The following MYO1H variants were observed in gnomAD, a reference collection of about 807,000 sequenced individuals.
The protein encoded by MYO1H is unconventional myosin-Ih.
A neutral mutation model predicts 149.3 loss-of-function variants in MYO1H; 118 were observed. The observed-to-expected ratio is 0.79, with a 90% CI of 0.68 to 0.92. The LOEUF (loss-of-function observed/expected upper bound fraction) is 0.92, where lower values mean the gene tolerates loss of function less well. MYO1H is among the 40% of genes least tolerant of loss of function. The probability of loss-of-function intolerance (pLI) is 0.00; values close to 1 mark genes in which losing one functional copy is unlikely to be tolerated. For synonymous variants in MYO1H, 447 were observed against 465.2 expected (o/e 0.96, Z 0.50); for missense variants, 1,212 against 1,280.7 (o/e 0.95, Z 0.82).
At chr12:109,409,731 A>T (rs1193272465) in intron 11 of MYO1H, 107 bp downstream of exon 11, 5 of 993,994 alleles carry the variant, frequency 5.0e-6, no homozygotes, top group Non-Finnish European at 7.9e-6. Context: ...CTGTCCCCAG[A>T]AAGTCTCTAG....
intron 12 of MYO1H, among the ~76,000 whole-genome samples, chr12:109,410,432 GT>G (rs1870616575): frequency 6.6e-6 from 1 of 152,170 alleles, no homozygotes; most frequent in Non-Finnish European, 1.5e-5. Flanking sequence ...GTGAGCCACT[GT>G]GCCCAACCAC....
chr12:109,349,523 T>C (rs1305151889), intron 1 of MYO1H, among the ~76,000 whole-genome samples: 2 of 144,086 alleles, frequency 1.4e-5, no homozygotes, highest in Admixed American at 1.4e-4. Context: ...TAGCTAGATA[T>C]GGTGGCACAT....
chr12:109,396,638 A>G (rs1205777420), intron 4 of MYO1H, 56 bp downstream of exon 4: 1 of 1,504,272 alleles, frequency 6.6e-7, no homozygotes, highest in Non-Finnish European at 9.0e-7. Context: ...ACTAAGTGAG[A>G]CAAATCCTGT....
intron 15 of MYO1H, among the ~76,000 whole-genome samples, chr12:109,415,956 A>G (rs912638763): frequency 7.3e-6 from 1 of 137,416 alleles, no homozygotes; most frequent in Non-Finnish European, 1.6e-5. Flanking sequence ...TATTTTATTT[A>G]TTTTGAGAGA....
the MYO1H span, among the ~76,000 whole-genome samples, chr12:109,338,213 T>C: frequency 4.4e-4 from 67 of 152,266 alleles, no homozygotes; most frequent in South Asian, 6.8e-3. Context: ...GGAATATAAG[T>C]GTGAGCCACT....
At chr12:109,347,777 G>A (rs1391170733), upstream of MYO1H, 9 of 390,960 alleles carry the variant, frequency 2.3e-5, no homozygotes, top group East Asian at 7.2e-5. Flanking sequence ...ACATGTAGAC[G>A]GCCATAAGAT....
chr12:109,425,865 C>T, intron 17 of MYO1H, 81 bp from the exon 18 acceptor site: 1 of 1,017,908 alleles, frequency 9.8e-7, no homozygotes, highest in South Asian at 1.4e-5. Context: ...CACCTTGAGC[C>T]CTGGCCAGTC....
At chr12:109,446,064 A>C (rs1872467010) in intron 31 of MYO1H, 2 of 985,232 alleles carry the variant, frequency 2.0e-6, no homozygotes, top group African/African-American at 1.7e-5. Flanking sequence ...TATGTAAGAA[A>C]GAAATGTGTA....
At chr12:109,374,753 C>G (rs1869054114) in intron 1 of MYO1H, among the ~76,000 whole-genome samples, 2 of 152,208 alleles carry the variant, frequency 1.3e-5, no homozygotes, top group African/African-American at 4.8e-5. Flanking sequence ...CTACATCCTT[C>G]CCAGCTTGTC....
chr12:109,417,437 C>G (rs1166208220), intron 15 of MYO1H, among the ~76,000 whole-genome samples: 1 of 152,022 alleles, frequency 6.6e-6, no homozygotes, highest in Non-Finnish European at 1.5e-5. Flanking sequence ...ACGCCATTCT[C>G]CTGCCTCAGC....
At chr12:109,419,880 A>G (rs1871099637) in intron 15 of MYO1H, among the ~76,000 whole-genome samples, 1 of 152,060 alleles carries the variant, frequency 6.6e-6, no homozygotes, top group Non-Finnish European at 1.5e-5. Context: ...ACTTAAAAAA[A>G]AAAAAAAAAA....
At chr12:109,407,679 C>A in intron 9 of MYO1H, 115 bp from the exon 10 acceptor site, 1 of 1,096,944 alleles carries the variant, frequency 9.1e-7, no homozygotes, top group Non-Finnish European at 1.2e-6. Flanking sequence ...GGCTGGGCAG[C>A]AGAGCGAGAC....
chr12:109,371,507 C>T (rs1251403308), intron 1 of MYO1H, among the ~76,000 whole-genome samples: 2 of 152,282 alleles, frequency 1.3e-5, no homozygotes, highest in Admixed American at 6.5e-5. Context: ...TGTGAGCCAC[C>T]ATGCCCAGCC....
At chr12:109,316,506 C>CA in the MYO1H span, among the ~76,000 whole-genome samples, 2 of 152,190 alleles carry the variant, frequency 1.3e-5, no homozygotes, top group African/African-American at 4.8e-5. Context: ...TCCAATATAG[C>CA]ACTCCCCAGA....
At chr12:109,423,398 G>A (rs941465661) in intron 16 of MYO1H, among the ~76,000 whole-genome samples, 15 of 152,208 alleles carry the variant, frequency 9.9e-5, no homozygotes, top group African/African-American at 3.4e-4. Flanking sequence ...CTGGCCTCAG[G>A]TGATCCACCC....
chr12:109,356,852 T>C (rs1199885684), intron 1 of MYO1H, among the ~76,000 whole-genome samples: 2 of 152,224 alleles, frequency 1.3e-5, no homozygotes, highest in Non-Finnish European at 2.9e-5. Context: ...TAATCCTTCA[T>C]TTCAACTGTA....
In MYO1H at chr12:109,386,743, C is replaced by T. The variant is rs112708274; in HGVS notation, c.13-1940C>T. 9.9e-5 allele frequency among the ~76,000 whole-genome samples: 15 copies of T among 152,050 alleles called. 1 individual carries two copies. The highest frequency in any genetic ancestry group is 9.2e-4 in the Admixed American group (14 of 15,268). On this transcript the variant is annotated intron_variant, in intron 1 of 31. Coordinates refer to ENST00000310903, the Ensembl canonical transcript of MYO1H. Reference sequence around the variant, plus strand: ...TTTTATTCTGGATACAAATTCTTTGCGTCTGTATAATTTAGGAATATTTTC... The same window carrying T: ...TTTTATTCTGGATACAAATTCTTTGTGTCTGTATAATTTAGGAATATTTTC...
chr12:109,401,276 G>A lies in MYO1H; in HGVS notation c.750+4G>A, dbSNP rs752609975. 3.7e-6 allele frequency: 6 copies of A among 1,606,686 alleles called. No homozygotes were observed. Among genetic ancestry groups the A allele is most frequent in the Non-Finnish European group, 5.1e-6 (6 of 1,175,998 alleles). ...GCTGTATAAATACCTCTCACAGGTG[G>A]GAAGGACCAGCACCTGGCTTTGGTG... On this transcript the variant is annotated splice_donor_region_variant and intron_variant, in intron 6 of 31. Transcript: ENST00000310903.
intron 19 of MYO1H, among the ~76,000 whole-genome samples, chr12:109,431,217 A>T (rs974528311): frequency 2.0e-5 from 3 of 151,708 alleles, no homozygotes; most frequent in African/African-American, 7.3e-5. Flanking sequence ...GTCTCTACTA[A>T]AAAATACAAA....
Sources: allele counts gnomAD v4.1 joint callset (sites outside exome capture counted in the v4.1 genomes callset), GRCh38; gene constraint gnomAD v4.1.1; transcripts MANE v1.5; gene names NCBI Gene and HGNC (gene_info 2026-07-23, HGNC 2026-07-21).